Variants in INTU observed in about 807,000 individuals in gnomAD.
The protein encoded by INTU is protein inturned.
Under a neutral mutation model 100.5 loss-of-function variants are expected in INTU, and 68 were observed. The observed-to-expected ratio is 0.68, with a 90% CI of 0.56 to 0.83. The LOEUF is 0.83. Ranked by LOEUF, INTU falls within the 40% of genes least tolerant of loss-of-function variation. The probability of loss-of-function intolerance (pLI) is 0.00; values close to 1 mark genes in which losing one functional copy is unlikely to be tolerated. For synonymous variants in INTU, 357 were observed against 395.7 expected, an observed-to-expected ratio of 0.90 and a Z score of 1.16; for missense variants, 1,071 against 1,114.7, an observed-to-expected ratio of 0.96 and a Z score of 0.56.
At chr4:127,675,443 C>T (rs4834210) in intron 6 of INTU, among the ~76,000 whole-genome samples, 92,676 of 152,032 alleles carry the variant, frequency 0.61, 29,161 homozygotes, top group African/African-American at 0.75. Context: ...CTTCATTATA[C>T]AGCAGTGTAT....
chr4:127,648,140 A>G (rs886318615), intron 2 of INTU, among the ~76,000 whole-genome samples: 1 of 152,210 alleles, frequency 6.6e-6, no homozygotes, highest in Non-Finnish European at 1.5e-5. Flanking sequence ...ATGCAAATCA[A>G]TCATATAATT....
intron 5 of INTU, among the ~76,000 whole-genome samples, chr4:127,673,875 G>T (rs774325771): frequency 1.1e-4 from 17 of 150,408 alleles, no homozygotes; most frequent in Non-Finnish European, 2.2e-4. Flanking sequence ...AGGATCATAG[G>T]TGTGAGCCAC....
At chr4:127,655,715 G>A (rs992520086) in intron 2 of INTU, among the ~76,000 whole-genome samples, 3 of 152,124 alleles carry the variant, frequency 2.0e-5, no homozygotes, top group Admixed American at 6.5e-5. Flanking sequence ...AGCCTACAGA[G>A]GCAGGCAGGC....
At chr4:127,661,643 C>CA (rs1282774390) in intron 3 of INTU, among the ~76,000 whole-genome samples, 12 of 152,096 alleles carry the variant, frequency 7.9e-5, no homozygotes, top group African/African-American at 2.4e-4. Flanking sequence ...TGCCAGGGGA[C>CA]AATCTTCAGA....
At chr4:127,639,591 A>G (rs1035709340) in intron 1 of INTU, among the ~76,000 whole-genome samples, 1 of 152,272 alleles carries the variant, frequency 6.6e-6, no homozygotes, top group East Asian at 1.9e-4. Flanking sequence ...TTAGAATTCT[A>G]TTAAAATTTC....
In INTU at chr4:127,690,124, C is replaced by T. The variant is rs112886734; in HGVS notation, c.1449+2257C>T. Among the ~76,000 whole-genome samples, 148 of 152,254 alleles carry T rather than the reference C, an allele frequency of 9.7e-4. 1 individual carries two copies. The South Asian group carries it at 0.015, about 15-fold the overall frequency. ...AGATACATTAAATATTATCTTCCCT[C>T]GAAGAAGTTTAAGATGTTCTAAAGT... On this transcript the variant is annotated intron_variant, in intron 8 of 15. Transcript: ENST00000335251.
At chr4:127,659,481 T>C (rs1479274226) in intron 3 of INTU, among the ~76,000 whole-genome samples, 1 of 152,190 alleles carries the variant, frequency 6.6e-6, no homozygotes, top group Non-Finnish European at 1.5e-5. Flanking sequence ...AGTTTTAAAA[T>C]TTCTAAAATA....
At chr4:127,683,809 A>G (rs1400735173) in intron 6 of INTU, 1 of 152,228 alleles carries the variant, frequency 6.6e-6, no homozygotes, top group Non-Finnish European at 1.5e-5. Context: ...TGCAGAAATT[A>G]CGTAATTTCT....
intron 6 of INTU, among the ~76,000 whole-genome samples, chr4:127,677,905 A>C (rs1729306901): frequency 6.6e-6 from 1 of 152,242 alleles, no homozygotes; most frequent in African/African-American, 2.4e-5. Context: ...GAAGTGCTTA[A>C]AGGAGCTGCT....
intron 8 of INTU, among the ~76,000 whole-genome samples, chr4:127,694,296 G>A (rs763286732): frequency 2.0e-5 from 3 of 151,682 alleles, no homozygotes; most frequent in Non-Finnish European, 2.9e-5. Flanking sequence ...GTTTCATCTA[G>A]GATGGTTGTA....
chr4:127,706,891 T>TA lies in INTU; in HGVS notation c.2194dup (p.Thr732AsnfsTer16). 2 of 1,614,044 alleles carry TA rather than the reference T, an allele frequency of 1.2e-6. No individual in the cohort carries two copies. The highest frequency in any genetic ancestry group is 1.7e-6 in the Non-Finnish European group (2 of 1,179,954). On this transcript the variant is annotated frameshift_variant, in exon 12 of 16. Transcript: ENST00000335251. LOFTEE classifies it high-confidence loss of function. Reference sequence around the variant, plus strand: ...GAGAAGATGATGGCTTTAGCCCCCATACTACACCGGATGCAGTACGGAAGC... The same window carrying TA: ...GAGAAGATGATGGCTTTAGCCCCCATAACTACACCGGATGCAGTACGGAAGC...
intron 12 of INTU, 119 bp from the exon 13 acceptor site, chr4:127,708,452 T>G (rs1171917521): frequency 1.6e-6 from 1 of 606,982 alleles, no homozygotes. Flanking sequence ...CAAAAATATT[T>G]AAAGGAAGCA....
intron 13 of INTU, among the ~76,000 whole-genome samples, 182 bp from the exon 14 acceptor site, chr4:127,710,731 T>C (rs1362684451): frequency 6.6e-6 from 1 of 152,216 alleles, no homozygotes; most frequent in Non-Finnish European, 1.5e-5. Flanking sequence ...CCCTAGCTTG[T>C]ACTTCAGTTA....
chr4:127,695,232 T>G (rs1045030821), intron 8 of INTU, among the ~76,000 whole-genome samples: 5 of 152,218 alleles, frequency 3.3e-5, no homozygotes, highest in African/African-American at 1.2e-4. Context: ...GTATATTTTA[T>G]TTTGGGGAGT....
chr4:127,679,781 C>T, intron 6 of INTU, among the ~76,000 whole-genome samples: 1 of 151,594 alleles, frequency 6.6e-6, no homozygotes. Context: ...AATAGAGACA[C>T]AAAAAACCCT....
chr4:127,684,416 C>A lies in INTU; in HGVS notation c.1189C>A (p.Leu397Ile). ...GTAATTTTGCTTTTTTAGAGTTCCT[C>A]TTCCTCGTCTAAGGAACATGATAGA... The part of the protein sequence containing the change: ...LIGLPAEEVP[L>I]PRLRNMIENV... The change falls in exon 7 of 16, where the codon CTT (leucine) becomes ATT (isoleucine). Residue 397 changes from leucine to isoleucine, a missense_variant. Coordinates refer to ENST00000335251, the MANE Select transcript of INTU (RefSeq NM_015693.4). 1 of 1,593,710 alleles carries A rather than the reference C, an allele frequency of 6.3e-7. No individual in the cohort carries two copies. The highest frequency in any genetic ancestry group is 8.6e-7 in the Non-Finnish European group (1 of 1,169,452).
intron 5 of INTU, 32 bp from the exon 6 acceptor site, chr4:127,674,092 T>A (rs1409320430): frequency 7.0e-7 from 1 of 1,435,488 alleles, no homozygotes; most frequent in Non-Finnish European, 9.7e-7. Context: ...TTAAAGGTAT[T>A]CTAACCTTAT....
intron 2 of INTU, among the ~76,000 whole-genome samples, chr4:127,651,044 C>T (rs1197952954): frequency 6.6e-6 from 1 of 152,136 alleles, no homozygotes; most frequent in Non-Finnish European, 1.5e-5. Context: ...TCATGTCCTT[C>T]TCCCACTTTT....
chr4:127,648,586 A>T (rs1727692839), intron 2 of INTU, among the ~76,000 whole-genome samples: 1 of 152,236 alleles, frequency 6.6e-6, no homozygotes, highest in Admixed American at 6.5e-5. Flanking sequence ...ATGGAGTTTT[A>T]GTTTAAAGTA....
Sources: allele counts gnomAD v4.1 joint callset (sites outside exome capture counted in the v4.1 genomes callset), GRCh38; gene constraint gnomAD v4.1.1; transcripts MANE v1.5; gene names NCBI Gene and HGNC (gene_info 2026-07-23, HGNC 2026-07-21).